Variants in PPP2R2B observed in about 807,000 individuals in gnomAD.
The protein encoded by PPP2R2B is serine/threonine-protein phosphatase 2A 55 kDa regulatory subunit B beta isoform.
PPP2R2B carries 5 observed loss-of-function variants against 46.0 expected under a neutral mutation model. The ratio of observed to expected loss-of-function variants is 0.11; its 90% CI spans 0.06 to 0.23. The LOEUF (loss-of-function observed/expected upper bound fraction) is 0.23, where lower values mean the gene tolerates loss of function less well. Among genes scored for constraint, PPP2R2B ranks in the 10% least tolerant of loss-of-function variants. The probability of loss-of-function intolerance (pLI) is 1.00; values close to 1 mark genes in which losing one functional copy is unlikely to be tolerated. For missense variants in PPP2R2B, 367 were observed against 575.0 expected, an observed-to-expected ratio of 0.64 and a Z score of 3.70; for synonymous variants, 215 against 206.7, an observed-to-expected ratio of 1.04 and a Z score of -0.34.
chr5:146,858,919 A>C (rs1313220663), intron 2 of PPP2R2B, among the ~76,000 whole-genome samples: 1 of 152,158 alleles, frequency 6.6e-6, no homozygotes, highest in African/African-American at 2.4e-5. Flanking sequence ...CCCAAAATCA[A>C]AGGTGTAAAG....
At chr5:146,949,098 G>A (rs1313538189) in intron 1 of PPP2R2B, among the ~76,000 whole-genome samples, 1 of 152,004 alleles carries the variant, frequency 6.6e-6, no homozygotes, top group Non-Finnish European at 1.5e-5. Context: ...CATGGTGAAG[G>A]TGATACATGT....
At chr5:147,011,415 T>C (rs1754727176) in intron 1 of PPP2R2B, among the ~76,000 whole-genome samples, 1 of 152,166 alleles carries the variant, frequency 6.6e-6, no homozygotes, top group African/African-American at 2.4e-5. Context: ...ACAAATAAAC[T>C]ATATATAACT....
At chr5:146,866,366 G>T (rs1761309691) in intron 2 of PPP2R2B, among the ~76,000 whole-genome samples, 1 of 152,162 alleles carries the variant, frequency 6.6e-6, no homozygotes, top group African/African-American at 2.4e-5. Flanking sequence ...CTGCATTCAA[G>T]TCCTGGGTCT....
chr5:146,632,272 A>G lies in PPP2R2B; in HGVS notation c.790+5979T>C, dbSNP rs190276948. Among the ~76,000 whole-genome samples, 33 of 152,330 alleles carry G rather than the reference A, an allele frequency of 2.2e-4. No individual in the cohort carries two copies. In the East Asian group the frequency reaches 4.0e-3, roughly 19 times the overall value. On this transcript the variant is annotated intron_variant, in intron 7 of 9. Coordinates refer to ENST00000394411, the MANE Select transcript of PPP2R2B (RefSeq NM_181675.4). ...GTAAAGACACAGGGAGAAGACAGCC[A>G]TCTACAAGCCAAGGAGAGCAGTGTG...
intron 2 of PPP2R2B, among the ~76,000 whole-genome samples, chr5:146,752,069 A>T: frequency 6.6e-6 from 1 of 152,152 alleles, no homozygotes; most frequent in East Asian, 1.9e-4. Context: ...TTTGACTTAC[A>T]GAGAACAGAT....
chr5:146,658,838 T>C (rs1776511113), intron 5 of PPP2R2B, among the ~76,000 whole-genome samples: 3 of 152,176 alleles, frequency 2.0e-5, no homozygotes, highest in Admixed American at 2.0e-4. Flanking sequence ...CCCCAGATCA[T>C]TATGAGATGC....
chr5:146,744,818 C>A (rs73793246), intron 2 of PPP2R2B, among the ~76,000 whole-genome samples: 1 of 152,102 alleles, frequency 6.6e-6, no homozygotes, highest in South Asian at 2.1e-4. Context: ...TTCTGCCTAG[C>A]CAGCTAAGAT....
intron 2 of PPP2R2B, among the ~76,000 whole-genome samples, chr5:147,079,986 A>G (rs960703188): frequency 5.3e-5 from 8 of 152,108 alleles, no homozygotes; most frequent in African/African-American, 1.9e-4. Flanking sequence ...TTTAAATATA[A>G]TTTTATATGG....
At chr5:146,776,155 A>G (rs1348948338) in intron 2 of PPP2R2B, among the ~76,000 whole-genome samples, 1 of 152,150 alleles carries the variant, frequency 6.6e-6, no homozygotes, top group Non-Finnish European at 1.5e-5. Flanking sequence ...TCTAAAATTC[A>G]TATGGAATTT....
At chr5:146,631,216 G>A (rs1222536730) in intron 7 of PPP2R2B, among the ~76,000 whole-genome samples, 1 of 152,172 alleles carries the variant, frequency 6.6e-6, no homozygotes, top group Non-Finnish European at 1.5e-5. Context: ...CACCCTGGAG[G>A]TAAGGCACCC....
At chr5:146,991,029 C>T (rs1753676805) in intron 1 of PPP2R2B, among the ~76,000 whole-genome samples, 1 of 152,036 alleles carries the variant, frequency 6.6e-6, no homozygotes, top group Non-Finnish European at 1.5e-5. Context: ...GATGTCACCT[C>T]AACCCAGTTA....
intron 2 of PPP2R2B, among the ~76,000 whole-genome samples, chr5:147,061,366 A>C (rs1757252250): frequency 2.0e-5 from 3 of 152,182 alleles, no homozygotes; most frequent in African/African-American, 7.2e-5. Flanking sequence ...AATGAAAGAC[A>C]AATTAATGGC....
At chr5:146,627,795 C>A (rs1421388475) in intron 7 of PPP2R2B, among the ~76,000 whole-genome samples, 1 of 152,112 alleles carries the variant, frequency 6.6e-6, no homozygotes, top group East Asian at 1.9e-4. Context: ...CAGAAATGTT[C>A]AAAAATAGTA....
intron 2 of PPP2R2B, among the ~76,000 whole-genome samples, chr5:146,735,494 G>C (rs780894994): frequency 6.6e-6 from 1 of 152,178 alleles, no homozygotes; most frequent in African/African-American, 2.4e-5. Flanking sequence ...AATAGGAAGA[G>C]CTAATAGAAT....
At chr5:146,891,589 T>A (rs1196504167) in intron 1 of PPP2R2B, among the ~76,000 whole-genome samples, 1 of 152,228 alleles carries the variant, frequency 6.6e-6, no homozygotes, top group African/African-American at 2.4e-5. Context: ...TCATTCAACA[T>A]CAAATTTTTA....
At chr5:147,070,968 G>A (rs927378851) in intron 2 of PPP2R2B, among the ~76,000 whole-genome samples, 1 of 151,992 alleles carries the variant, frequency 6.6e-6, no homozygotes, top group African/African-American at 2.4e-5. Context: ...CCAGCCTGGC[G>A]ACAGAGCGAG....
chr5:146,771,178 A>G (rs533011487), intron 2 of PPP2R2B, among the ~76,000 whole-genome samples: 1 of 152,332 alleles, frequency 6.6e-6, no homozygotes, highest in Non-Finnish European at 1.5e-5. Context: ...TTCTAGAAGC[A>G]GGCCTAATCC....
At chr5:147,010,545 C>T (rs1449411349) in intron 1 of PPP2R2B, among the ~76,000 whole-genome samples, 1 of 152,066 alleles carries the variant, frequency 6.6e-6, no homozygotes, top group East Asian at 1.9e-4. Context: ...AACCTAAATC[C>T]CTCTCATGCA....
chr5:146,875,493 C>A (rs1761844953), intron 2 of PPP2R2B, among the ~76,000 whole-genome samples: 1 of 152,142 alleles, frequency 6.6e-6, no homozygotes, highest in Non-Finnish European at 1.5e-5. Flanking sequence ...TCACCACTTA[C>A]AATGCAAATT....
Sources: allele counts gnomAD v4.1 joint callset (sites outside exome capture counted in the v4.1 genomes callset), GRCh38; gene constraint gnomAD v4.1.1; transcripts MANE v1.5; gene names NCBI Gene and HGNC (gene_info 2026-07-23, HGNC 2026-07-21).